The following CEP112 variants were observed in gnomAD, a reference collection of about 807,000 sequenced individuals.
The protein encoded by CEP112 is centrosomal protein of 112 kDa.
In CEP112, 127 loss-of-function variants were observed where a neutral mutation model predicts 153.0. The observed-to-expected ratio is 0.83, with a 90% confidence interval of 0.72 to 0.96. CEP112 has a LOEUF of 0.96. Ranked by LOEUF, CEP112 falls within the 40% of genes least tolerant of loss-of-function variation. CEP112 has a pLI of 0.00. For missense variants in CEP112, 1,089 were observed against 1,101.2 expected (o/e 0.99, Z 0.16); for synonymous variants, 358 against 374.4 (o/e 0.96, Z 0.51).
Position 66,063,081 on chromosome 17 carries a change from A to G in CEP112, c.956T>C (p.Val319Ala). The change falls in exon 11 of 27, where the codon GTT becomes GCT. Residue 319 changes from valine (V) to alanine (A), a missense_variant and splice_region_variant. Physicochemically the swap from Val to Ala is moderately conservative, Grantham distance 64. Coordinates refer to ENST00000535342, the MANE Select transcript of CEP112 (RefSeq NM_001199165.4). ...EETIRKLEKK[V>A]QTLIRDCQVI... is the part of the protein sequence containing the mutation. Reference sequence around the variant, plus strand: ...TTGACAGTCACGTATCAGTGTCTGAACTGTCAAAAATTTTGAAAACATAGT... The same window carrying G: ...TTGACAGTCACGTATCAGTGTCTGAGCTGTCAAAAATTTTGAAAACATAGT... 1 of 1,519,246 alleles carries G rather than the reference A, an allele frequency of 6.6e-7. No individual in the cohort carries two copies. Among genetic ancestry groups the G allele is most frequent in the Non-Finnish European group, 8.9e-7 (1 of 1,129,054 alleles). 94.1% of individuals were successfully genotyped at this position (1,519,246 alleles called of 1,614,324 possible).
At chr17:65,730,557 C>T (rs895861320) in intron 23 of CEP112, among the ~76,000 whole-genome samples, 8 of 152,110 alleles carry the variant, frequency 5.3e-5, no homozygotes, top group African/African-American at 7.2e-5. Flanking sequence ...TTGTGCCCTA[C>T]GGACGTGCAT....
chr17:65,725,062 C>T (rs2050100663), intron 23 of CEP112, among the ~76,000 whole-genome samples: 1 of 152,190 alleles, frequency 6.6e-6, no homozygotes, highest in African/African-American at 2.4e-5. Flanking sequence ...TGAACAGTTT[C>T]ACATTAGAGT....
At chr17:65,949,228 A>T (rs1164895156) in intron 18 of CEP112, among the ~76,000 whole-genome samples, 2 of 152,254 alleles carry the variant, frequency 1.3e-5, no homozygotes, top group Non-Finnish European at 2.9e-5. Context: ...TTTGCGAATA[A>T]GCCTAGCTAT....
At chr17:65,847,588 A>C (rs2057774132) in intron 21 of CEP112, among the ~76,000 whole-genome samples, 1 of 152,092 alleles carries the variant, frequency 6.6e-6, no homozygotes, top group South Asian at 2.1e-4. Context: ...TCACTCATTC[A>C]TGTCATACCC....
intron 12 of CEP112, among the ~76,000 whole-genome samples, chr17:66,033,575 G>C (rs1304661361): frequency 2.6e-5 from 4 of 152,056 alleles, no homozygotes; most frequent in Non-Finnish European, 5.9e-5. Context: ...TGTTCTCTCT[G>C]CCTAAAGCAT....
intron 21 of CEP112, among the ~76,000 whole-genome samples, chr17:65,768,320 A>G (rs1299695519): frequency 1.3e-5 from 2 of 152,104 alleles, no homozygotes; most frequent in African/African-American, 2.4e-5. Context: ...TGACATCTTG[A>G]TGTTGAGTAG....
At chr17:65,809,970 A>G (rs965583120) in intron 21 of CEP112, among the ~76,000 whole-genome samples, 1 of 152,168 alleles carries the variant, frequency 6.6e-6, no homozygotes, top group Non-Finnish European at 1.5e-5. Context: ...ATTAAAACCT[A>G]TCAGAGAAGG....
At chr17:65,701,335 C>T (rs2048622698) in intron 23 of CEP112, among the ~76,000 whole-genome samples, 1 of 152,046 alleles carries the variant, frequency 6.6e-6, no homozygotes, top group Admixed American at 6.6e-5. Flanking sequence ...ACAGAGAACA[C>T]AGTAGAATTA....
At chr17:65,690,156 G>T (rs2048035152) in intron 23 of CEP112, among the ~76,000 whole-genome samples, 1 of 147,814 alleles carries the variant, frequency 6.8e-6, no homozygotes, top group Admixed American at 6.8e-5. Flanking sequence ...CGGGCACAGT[G>T]GTTCACATCT....
chr17:65,755,106 A>G (rs1454881342), intron 21 of CEP112, among the ~76,000 whole-genome samples: 2 of 152,200 alleles, frequency 1.3e-5, no homozygotes, highest in Non-Finnish European at 2.9e-5. Context: ...AGAAAAAAAA[A>G]TACAAATAAA....
intron 17 of CEP112, among the ~76,000 whole-genome samples, chr17:65,989,883 T>C (rs561544889): frequency 3.4e-4 from 52 of 152,292 alleles, no homozygotes; most frequent in African/African-American, 1.2e-3. Flanking sequence ...TGTGGAGAGA[T>C]AAAGTATGTA....
chr17:65,967,957 C>G (rs1428404144), intron 17 of CEP112, among the ~76,000 whole-genome samples: 2 of 151,760 alleles, frequency 1.3e-5, no homozygotes, highest in African/African-American at 2.4e-5. Context: ...AAAATAAATC[C>G]CACATATGAT....
At chr17:65,846,670 G>T (rs984234570) in intron 21 of CEP112, among the ~76,000 whole-genome samples, 12 of 152,168 alleles carry the variant, frequency 7.9e-5, no homozygotes, top group African/African-American at 2.4e-4. Context: ...CCGGGTTCAC[G>T]CCATTCTCTT....
intron 21 of CEP112, among the ~76,000 whole-genome samples, chr17:65,782,902 A>G (rs1157400829): frequency 2.0e-5 from 3 of 152,106 alleles, no homozygotes; most frequent in Non-Finnish European, 2.9e-5. Flanking sequence ...TTTGTACCAT[A>G]GACTTCAGCA....
chr17:65,815,745 T>C (rs568524202), intron 21 of CEP112, among the ~76,000 whole-genome samples: 2 of 152,280 alleles, frequency 1.3e-5, no homozygotes, highest in South Asian at 2.1e-4. Context: ...ATATTTGTGA[T>C]GATGTTGTAA....
intron 24 of CEP112, among the ~76,000 whole-genome samples, chr17:65,659,895 A>G (rs1012656844): frequency 6.6e-6 from 1 of 152,196 alleles, no homozygotes; most frequent in African/African-American, 2.4e-5. Flanking sequence ...TGACTGGGAC[A>G]TTGAAGAATG....
intron 16 of CEP112, among the ~76,000 whole-genome samples, chr17:66,017,309 C>T (rs1210371912): frequency 6.6e-6 from 1 of 152,114 alleles, no homozygotes; most frequent in Non-Finnish European, 1.5e-5. Context: ...AGCACAAGCA[C>T]CTTGATCTAA....
In CEP112 at chr17:65,975,569, T is replaced by C. The variant is rs561666569; in HGVS notation, c.1737-13971A>G. Among the ~76,000 whole-genome samples, 6 of 152,348 alleles carry C rather than the reference T, an allele frequency of 3.9e-5. No homozygotes were observed. In the South Asian group the frequency reaches 1.2e-3, roughly 32 times the overall value. On this transcript the variant is annotated intron_variant, in intron 17 of 26. Coordinates refer to ENST00000535342, the MANE Select transcript of CEP112 (RefSeq NM_001199165.4). ...TTTGGAAAGGACAAAAACATACTTT[T>C]AGATAATTTCTCAGTGTCAAATAAG...
In CEP112 at chr17:66,147,152, T is replaced by TC. The variant is rs199683776; in HGVS notation, c.471-14390dup. 5.3e-3 allele frequency among the ~76,000 whole-genome samples: 791 copies of TC among 149,992 alleles called. 4 individuals are homozygous for TC. Among genetic ancestry groups the TC allele is most frequent in the African/African-American group, 0.018 (737 of 41,466 alleles). On this transcript the variant is annotated intron_variant, in intron 4 of 26. Transcript: ENST00000535342. ...CAACAGTGCACAGGGCTCCAATTTC[T>TC]CCACATTCTCACCAACACTTTTTTT...
Sources: allele counts gnomAD v4.1 joint callset (sites outside exome capture counted in the v4.1 genomes callset), GRCh38; gene constraint gnomAD v4.1.1; transcripts MANE v1.5; gene names NCBI Gene and HGNC (gene_info 2026-07-23, HGNC 2026-07-21).